The following GLIS1 variants were observed in gnomAD, a reference collection of about 807,000 sequenced individuals.
The protein encoded by GLIS1 is GLIS family zinc finger 1.
In GLIS1, 24 loss-of-function variants were observed where a neutral mutation model predicts 63.8. That is an observed-to-expected ratio of 0.38 (90% confidence interval 0.27 to 0.53). The LOEUF is 0.53. GLIS1 is among the 20% of genes least tolerant of loss of function. The pLI is 0.85. For missense variants in GLIS1, 1,036 were observed against 1,074.1 expected, an observed-to-expected ratio of 0.96 and a Z score of 0.50; for synonymous variants, 450 against 482.5, an observed-to-expected ratio of 0.93 and a Z score of 0.88.
chr1:53,699,552 C>A (rs544849726), intron 2 of GLIS1, among the ~76,000 whole-genome samples: 134 of 152,288 alleles, frequency 8.8e-4, no homozygotes, highest in African/African-American at 3.2e-3. Flanking sequence ...TGAAATGCTC[C>A]AACTGAACAT....
intron 4 of GLIS1, among the ~76,000 whole-genome samples, chr1:53,531,851 G>A (rs1158708594): frequency 2.6e-5 from 4 of 152,162 alleles, no homozygotes; most frequent in Non-Finnish European, 5.9e-5. Context: ...CAACACTGAT[G>A]CATTCACCTC....
At chr1:53,600,489 A>G (rs902342075) in intron 2 of GLIS1, among the ~76,000 whole-genome samples, 2 of 152,120 alleles carry the variant, frequency 1.3e-5, no homozygotes, top group African/African-American at 4.8e-5. Flanking sequence ...CCATTCTCAG[A>G]TGGGGATGCT....
Position 53,509,296 on chromosome 1 carries a change from G to A in GLIS1, c.2063-9C>T, listed in dbSNP as rs777833515. On this transcript the variant is annotated splice_polypyrimidine_tract_variant and intron_variant, in intron 9 of 10. Coordinates refer to ENST00000628545, the MANE Select transcript of GLIS1 (RefSeq NM_001367484.1). ...GAAACTGCCCTGGTAACCTGCAGAC[G>A]GGGGTAGCAGGGGCCGCGTTCACAA... 110 of 1,557,006 alleles carry A rather than the reference G, an allele frequency of 7.1e-5. No individual in the cohort carries two copies. The highest frequency in any genetic ancestry group is 4.8e-4 in the South Asian group (41 of 85,370).
At position 53,529,915 on chromosome 1, in the gene GLIS1, T is replaced by G; in HGVS notation, c.1358A>C (p.Asn453Thr). ...GCSKAFSRLE[N>T]LKIHLRSHTG... ...GTGGCTCCTCAGGTGGATCTTGAGG[T>G]TCTCCAGCCGTGAGAAGGCCTTGCT... The change falls in exon 5 of 11, where the codon AAC (asparagine) becomes ACC (threonine). Residue 453 changes from asparagine (N) to threonine (T), a missense_variant. Asn to Thr is a moderately conservative substitution (Grantham distance 65). Coordinates refer to ENST00000628545, the MANE Select transcript of GLIS1 (RefSeq NM_001367484.1). The G allele has an allele frequency of 1.2e-6, 2 of 1,613,802 alleles. No homozygotes were observed. Among genetic ancestry groups the G allele is most frequent in the Non-Finnish European group, 1.7e-6 (2 of 1,179,940 alleles).
At chr1:53,587,150 G>C (rs895101985) in intron 4 of GLIS1, among the ~76,000 whole-genome samples, 1 of 152,226 alleles carries the variant, frequency 6.6e-6, no homozygotes, top group Admixed American at 6.5e-5. Context: ...GGAGAATGCA[G>C]ACTCTCTAGG....
At chr1:53,665,692 T>C (rs1258407769) in intron 2 of GLIS1, among the ~76,000 whole-genome samples, 1 of 152,130 alleles carries the variant, frequency 6.6e-6, no homozygotes, top group Non-Finnish European at 1.5e-5. Flanking sequence ...CCCTGGGGCA[T>C]GGGTACTTAT....
intron 2 of GLIS1, among the ~76,000 whole-genome samples, chr1:53,654,397 G>A (rs993941895): frequency 6.6e-6 from 1 of 152,236 alleles, no homozygotes. Context: ...AACAGCCCCA[G>A]CTCTGAACAC....
At chr1:53,617,011 C>A (rs1645489648) in intron 2 of GLIS1, among the ~76,000 whole-genome samples, 1 of 152,016 alleles carries the variant, frequency 6.6e-6, no homozygotes, top group Non-Finnish European at 1.5e-5. Context: ...CCAGCCCCAC[C>A]CCATGGGGCT....
intron 4 of GLIS1, among the ~76,000 whole-genome samples, chr1:53,578,499 C>G (rs1201664352): frequency 6.6e-6 from 1 of 152,172 alleles, no homozygotes; most frequent in Admixed American, 6.5e-5. Flanking sequence ...CAGCCATCAG[C>G]TCATATGACT....
intron 4 of GLIS1, among the ~76,000 whole-genome samples, chr1:53,580,625 C>T (rs1353458451): frequency 6.6e-6 from 1 of 152,098 alleles, no homozygotes; most frequent in Admixed American, 6.5e-5. Context: ...GGCTGGAATC[C>T]CAGCTCTTGA....
Position 53,520,623 on chromosome 1 carries a change from C to A in GLIS1, c.1726+11G>T. The A allele has an allele frequency of 6.2e-7, 1 of 1,600,896 alleles. No homozygotes were observed. On this transcript the variant is annotated intron_variant, in intron 7 of 10. Transcript: ENST00000628545. The stretch of plus-strand genomic sequence containing the variant: ...GGCTACGCCCCTGGCCCTGCCTCCC[C>A]GCACACGTACCTGGGAGCAGCTCCT...
intron 2 of GLIS1, among the ~76,000 whole-genome samples, chr1:53,627,434 C>G (rs769847879): frequency 6.6e-6 from 1 of 152,134 alleles, no homozygotes; most frequent in South Asian, 2.1e-4. Flanking sequence ...TTGAACCTCC[C>G]GCTTGCTGCT....
intron 2 of GLIS1, among the ~76,000 whole-genome samples, chr1:53,620,696 G>A (rs981841549): frequency 1.3e-5 from 2 of 152,214 alleles, no homozygotes; most frequent in Admixed American, 1.3e-4. Flanking sequence ...GAAGGCGGGA[G>A]ACTGCAGGGC....
At chr1:53,547,182 C>G (rs562441983) in intron 4 of GLIS1, among the ~76,000 whole-genome samples, 3 of 152,356 alleles carry the variant, frequency 2.0e-5, no homozygotes, top group Admixed American at 6.5e-5. Context: ...GACGTCTACC[C>G]ATTTTGCAGA....
chr1:53,631,642 A>G (rs1645653129), intron 2 of GLIS1, among the ~76,000 whole-genome samples: 1 of 152,250 alleles, frequency 6.6e-6, no homozygotes, highest in Non-Finnish European at 1.5e-5. Flanking sequence ...ACAGAATGTT[A>G]GTGGTATACA....
intron 2 of GLIS1, among the ~76,000 whole-genome samples, chr1:53,641,486 G>A (rs1645786570): frequency 6.6e-6 from 1 of 152,180 alleles, no homozygotes; most frequent in South Asian, 2.1e-4. Context: ...AGAGCCTCAG[G>A]TGCAAGTTCT....
intron 2 of GLIS1, among the ~76,000 whole-genome samples, chr1:53,649,411 T>C (rs1645882015): frequency 6.6e-6 from 1 of 152,230 alleles, no homozygotes; most frequent in Non-Finnish European, 1.5e-5. Context: ...TGTGAGGTGC[T>C]CATCATCTCC....
Position 53,526,205 on chromosome 1 carries a change from C to G in GLIS1, c.1483-1318G>C, listed in dbSNP as rs1350188754. Among the ~76,000 whole-genome samples, 2 of 152,098 alleles carry G rather than the reference C, an allele frequency of 1.3e-5. No individual in the cohort carries two copies. Among genetic ancestry groups the G allele is most frequent in the African/African-American group, 4.8e-5 (2 of 41,400 alleles). On this transcript the variant is annotated intron_variant, in intron 5 of 10. Coordinates refer to ENST00000628545, the MANE Select transcript of GLIS1 (RefSeq NM_001367484.1). This position sits in a 1 kb window ranked among gnomAD's most constrained non-coding sequence, Gnocchi z 4.4. ...GACTGCCATGTCCTGCCAGACACAC[C>G]CACGTGGAACTGCCCCCAGGACCTC... is the stretch of plus-strand genomic sequence containing the variant.
At chr1:53,653,713 A>G (rs1052797999) in intron 2 of GLIS1, among the ~76,000 whole-genome samples, 3 of 152,108 alleles carry the variant, frequency 2.0e-5, no homozygotes, top group African/African-American at 4.8e-5. Context: ...CACTGCTGGT[A>G]AGCAGTGAGA....
Sources: gnomAD v4.1 joint callset for allele counts (sites outside exome capture counted in the v4.1 genomes callset) on GRCh38, gnomAD v4.1.1 for gene constraint, Gnocchi (gnomAD v3.1) non-coding constraint, MANE v1.5 for transcripts, NCBI Gene and HGNC (gene_info 2026-07-23, HGNC 2026-07-21) for gene names.